The following EPS15L1 variants were observed in gnomAD, a reference collection of about 807,000 sequenced individuals.
EPS15L1 encodes epidermal growth factor receptor pathway substrate 15 like 1, also known as epidermal growth factor receptor substrate 15-like 1.
A neutral mutation model predicts 117.1 loss-of-function variants in EPS15L1; 43 were observed. The observed-to-expected ratio is 0.37, with a 90% CI of 0.29 to 0.47. EPS15L1 has a LOEUF of 0.47. EPS15L1 is among the 20% of genes least tolerant of loss of function. The probability of loss-of-function intolerance (pLI) is 0.99; values close to 1 mark genes in which losing one functional copy is unlikely to be tolerated. For missense variants in EPS15L1, 981 were observed against 1,164.0 expected (o/e 0.84, Z 2.29); for synonymous variants, 459 against 470.5 (o/e 0.98, Z 0.32).
At chr19:16,401,915 T>A (rs937123621) in intron 16 of EPS15L1, 1 of 1,005,790 alleles carries the variant, frequency 9.9e-7, no homozygotes, top group African/African-American at 1.7e-5. Context: ...CACATACACA[T>A]AGACACATGC....
At chr19:16,459,215 G>A (rs531252640) in intron 1 of EPS15L1, among the ~76,000 whole-genome samples, 47 of 152,302 alleles carry the variant, frequency 3.1e-4, no homozygotes, top group Admixed American at 4.6e-4. Context: ...GCTTGGGGCC[G>A]CTGCCTGCTG....
chr19:16,452,517 A>G (rs1473606951), intron 1 of EPS15L1, among the ~76,000 whole-genome samples: 1 of 151,602 alleles, frequency 6.6e-6, no homozygotes, highest in Non-Finnish European at 1.5e-5. Context: ...CTACTCGAGA[A>G]GCTAAGGCAG....
rs560202233 is a variant in EPS15L1 at position 16,418,487 on chromosome 19, T to G, written c.951-383A>C. Among the ~76,000 whole-genome samples the G allele has an allele frequency of 1.4e-4, 21 of 152,362 alleles. 1 individual carries two copies. In the South Asian group the frequency reaches 4.1e-3, roughly 30 times the overall value. ...CCAGCCCTTCCGTGGAAATGGGTGC[T>G]GAGACCAAGCATTGTCCCTGTAGCT... On this transcript the variant is annotated intron_variant, in intron 10 of 23. Coordinates refer to ENST00000455140, the MANE Select transcript of EPS15L1 (RefSeq NM_001258374.3).
intron 19 of EPS15L1, among the ~76,000 whole-genome samples, chr19:16,388,808 C>G (rs1453343993): frequency 1.3e-5 from 2 of 152,058 alleles, no homozygotes; most frequent in Non-Finnish European, 2.9e-5. Context: ...GCCTGGGCAA[C>G]AGAGCAAACT....
At chr19:16,382,159 C>A (rs1469407674) in intron 21 of EPS15L1, among the ~76,000 whole-genome samples, 2 of 152,184 alleles carry the variant, frequency 1.3e-5, no homozygotes, top group Non-Finnish European at 2.9e-5. Context: ...TTTAAACCCA[C>A]GAGGCCAATT....
chr19:16,369,206 C>A (rs1368648330), intron 22 of EPS15L1, among the ~76,000 whole-genome samples: 2 of 152,134 alleles, frequency 1.3e-5, no homozygotes, highest in Admixed American at 6.5e-5. Flanking sequence ...CCTGCAGGCA[C>A]CAGCCCCGCG....
intron 13 of EPS15L1, chr19:16,413,538 A>C (rs1444131722): frequency 2.8e-6 from 2 of 726,386 alleles, no homozygotes; most frequent in Non-Finnish European, 4.7e-6. Flanking sequence ...CAGAGTCTCC[A>C]TGCAGAGCAC....
intron 13 of EPS15L1, among the ~76,000 whole-genome samples, chr19:16,407,820 C>T (rs73021141): frequency 0.026 from 4,010 of 152,310 alleles, 79 homozygotes; most frequent in Non-Finnish European, 0.041. Flanking sequence ...ATTGCTCCGT[C>T]AGGCCACAGC....
chr19:16,438,830 AT>A (rs200621256), intron 4 of EPS15L1, among the ~76,000 whole-genome samples: 2 of 152,064 alleles, frequency 1.3e-5, no homozygotes. Context: ...TATGTGTTGA[AT>A]TTTTTTTAAA....
intron 23 of EPS15L1, 41 bp from the exon 24 acceptor site, chr19:16,355,892 G>A: frequency 1.3e-6 from 2 of 1,527,616 alleles, no homozygotes; most frequent in Non-Finnish European, 1.8e-6. Context: ...TGGCCCTGGG[G>A]CTGGGACCTG....
chr19:16,402,578 G>T, intron 15 of EPS15L1, 93 bp from the exon 16 acceptor site: 1 of 1,237,664 alleles, frequency 8.1e-7, no homozygotes, highest in Non-Finnish European at 1.1e-6. Context: ...GTCTCACTCT[G>T]TCACCCAGAC....
intron 1 of EPS15L1, among the ~76,000 whole-genome samples, chr19:16,459,048 A>G (rs554265511): frequency 1.3e-5 from 2 of 152,362 alleles, no homozygotes; most frequent in South Asian, 4.1e-4. Context: ...CGGTACAGAA[A>G]ACTGCAGGCA....
chr19:16,419,767 C>T (rs767642118), intron 10 of EPS15L1, among the ~76,000 whole-genome samples: 17 of 152,372 alleles, frequency 1.1e-4, no homozygotes, highest in Middle Eastern at 3.4e-3. Context: ...GTTATCCCCA[C>T]AGTTCGAGGC....
intron 22 of EPS15L1, among the ~76,000 whole-genome samples, chr19:16,376,256 C>A (rs776437086): frequency 6.6e-6 from 1 of 152,192 alleles, no homozygotes; most frequent in East Asian, 1.9e-4. Flanking sequence ...CAGACCGGGG[C>A]ACAGATGGAA....
At chr19:16,469,133 C>T (rs754320916) in intron 1 of EPS15L1, among the ~76,000 whole-genome samples, 2 of 152,134 alleles carry the variant, frequency 1.3e-5, no homozygotes, top group Non-Finnish European at 2.9e-5. Context: ...ATGGCCCATT[C>T]CAGAGTCCAG....
intron 22 of EPS15L1, 130 bp downstream of exon 22, chr19:16,376,992 G>A (rs1215373554): frequency 1.7e-6 from 2 of 1,210,782 alleles, no homozygotes; most frequent in Non-Finnish European, 2.3e-6. Context: ...TGGGCCGGGG[G>A]GACCCTCTTG....
At chr19:16,360,064 GT>G (rs71885683) in intron 23 of EPS15L1, among the ~76,000 whole-genome samples, 23,961 of 139,320 alleles carry the variant, frequency 0.17, 2,010 homozygotes, top group African/African-American at 0.22. Context: ...AACCTTGGGT[GT>G]TTTTTTTTTT....
intron 7 of EPS15L1, among the ~76,000 whole-genome samples, chr19:16,432,591 TACAAATAC>T (rs760455569): frequency 6.5e-5 from 6 of 91,788 alleles, no homozygotes; most frequent in East Asian, 4.8e-4. Context: ...AATAAATAAA[TACAAATAC>T]AAATACAAAT....
At position 16,417,990 on chromosome 19, in the gene EPS15L1, C is replaced by G. The variant is rs138734142; in HGVS notation, c.1065G>C (p.Ser355=). Residue 355 remains serine, a synonymous_variant, in exon 11 of 24, where the codon TCG becomes TCC. Coordinates refer to ENST00000455140, the MANE Select transcript of EPS15L1 (RefSeq NM_001258374.3). ...TCTCCGAAGGCGGGACCATGTCCGG[C>G]GAGAGGACTTGAGGAGGGTCGATGC... ...SKGIDPPQVL[S]PDMVPPSERG... 4 of 1,614,150 alleles carry G rather than the reference C, an allele frequency of 2.5e-6. No homozygotes were observed. The highest frequency in any genetic ancestry group is 1.7e-4 in the Middle Eastern group (1 of 6,030).
Sources: gnomAD v4.1 joint callset for allele counts (sites outside exome capture counted in the v4.1 genomes callset) on GRCh38, gnomAD v4.1.1 for gene constraint, MANE v1.5 for transcripts, NCBI Gene and HGNC (gene_info 2026-07-23, HGNC 2026-07-21) for gene names.